Variants in SUPT3H observed in about 807,000 individuals in gnomAD.
The protein encoded by SUPT3H is SPT3 homolog, SAGA and STAGA complex component.
In SUPT3H, 44 loss-of-function variants were observed where a neutral mutation model predicts 44.3. That is an observed-to-expected ratio of 0.99 (90% CI 0.78 to 1.28). The LOEUF is 1.28. Among genes scored for constraint, SUPT3H ranks in the 50% most tolerant of loss-of-function variants. The pLI is 0.00. For missense variants in SUPT3H, 380 were observed against 387.1 expected, an observed-to-expected ratio of 0.98 and a Z score of 0.15; for synonymous variants, 124 against 125.6, an observed-to-expected ratio of 0.99 and a Z score of 0.09.
chr6:45,263,639 T>C (rs1211635288), intron 2 of SUPT3H, among the ~76,000 whole-genome samples: 1 of 152,002 alleles, frequency 6.6e-6, no homozygotes, highest in African/African-American at 2.4e-5. Flanking sequence ...AAAATAAAAT[T>C]GGAGGAAAAA....
chr6:44,904,843 C>G (rs1051338053), intron 10 of SUPT3H, among the ~76,000 whole-genome samples: 1 of 152,132 alleles, frequency 6.6e-6, no homozygotes, highest in Non-Finnish European at 1.5e-5. Flanking sequence ...TAGAACAGAA[C>G]AGAGCCCTCA....
At chr6:45,332,249 C>T (rs968607798) in intron 2 of SUPT3H, among the ~76,000 whole-genome samples, 2 of 151,398 alleles carry the variant, frequency 1.3e-5, no homozygotes, top group African/African-American at 4.8e-5. Context: ...CCCCTCCCCC[C>T]GATTCAAGAG....
In SUPT3H at chr6:45,282,736, G is replaced by A. The variant is rs983348281; in HGVS notation, c.101+82465C>T. Among the ~76,000 whole-genome samples the A allele has an allele frequency of 1.6e-4, 24 of 152,156 alleles. No homozygotes were observed. In the East Asian group the frequency reaches 2.9e-3, roughly 18 times the overall value. On this transcript the variant is annotated intron_variant, in intron 2 of 10. Transcript: ENST00000371459. Reference sequence around the variant, plus strand: ...TGCAAAGTCAGGAAATACAGAGAACGCCACAAAGATACTCCTCGAGAAGAG... The same window carrying A: ...TGCAAAGTCAGGAAATACAGAGAACACCACAAAGATACTCCTCGAGAAGAG...
At chr6:44,933,314 C>G (rs1770891899) in intron 9 of SUPT3H, among the ~76,000 whole-genome samples, 1 of 152,020 alleles carries the variant, frequency 6.6e-6, no homozygotes, top group African/African-American at 2.4e-5. Context: ...CAACAACTTT[C>G]TGTTTTAATT....
intron 2 of SUPT3H, among the ~76,000 whole-genome samples, chr6:45,183,880 T>C (rs1813711430): frequency 6.6e-6 from 1 of 151,978 alleles, no homozygotes; most frequent in Non-Finnish European, 1.5e-5. Context: ...AGCAAAACGA[T>C]GGAGATGGCA....
At chr6:44,956,929 T>C (rs748068184) in intron 7 of SUPT3H, among the ~76,000 whole-genome samples, 46 of 152,336 alleles carry the variant, frequency 3.0e-4, no homozygotes, top group Admixed American at 2.0e-3. Context: ...ATGCCTTATG[T>C]CTCTGCATGT....
At chr6:45,236,512 A>T (rs1769177368) in intron 2 of SUPT3H, among the ~76,000 whole-genome samples, 1 of 152,118 alleles carries the variant, frequency 6.6e-6, no homozygotes, top group African/African-American at 2.4e-5. Flanking sequence ...GTGGCAAAGG[A>T]GGCAGATGTT....
At chr6:45,141,651 A>C (rs1299382595) in intron 2 of SUPT3H, among the ~76,000 whole-genome samples, 2 of 36,414 alleles carry the variant, frequency 5.5e-5, no homozygotes, top group East Asian at 4.4e-4. Flanking sequence ...CAAAAGACAA[A>C]GACAAAAAAA....
chr6:44,846,158 G>T (rs1040173849), intron 10 of SUPT3H, among the ~76,000 whole-genome samples: 4 of 152,312 alleles, frequency 2.6e-5, no homozygotes, highest in African/African-American at 9.6e-5. Context: ...CTGTGAGGGG[G>T]AGAAGGGAAT....
intron 2 of SUPT3H, among the ~76,000 whole-genome samples, chr6:45,240,180 G>A (rs1770020475): frequency 6.6e-6 from 1 of 152,158 alleles, no homozygotes; most frequent in Non-Finnish European, 1.5e-5. Flanking sequence ...AGACATTCTA[G>A]CAGGATTGCG....
intron 3 of SUPT3H, among the ~76,000 whole-genome samples, chr6:45,074,491 C>T (rs187951553): frequency 6.6e-6 from 1 of 151,812 alleles, no homozygotes; most frequent in East Asian, 1.9e-4. Flanking sequence ...TTTAAGGAAA[C>T]AGAAATGAAA....
At chr6:45,234,675 C>G (rs1050419123) in intron 2 of SUPT3H, among the ~76,000 whole-genome samples, 1 of 151,968 alleles carries the variant, frequency 6.6e-6, no homozygotes, top group African/African-American at 2.4e-5. Flanking sequence ...TTTTCCTTAC[C>G]TAGTCACAAC....
At chr6:45,059,190 A>G (rs1161032518) in intron 3 of SUPT3H, among the ~76,000 whole-genome samples, 1 of 152,158 alleles carries the variant, frequency 6.6e-6, no homozygotes, top group East Asian at 1.9e-4. Context: ...AATCCTCAAT[A>G]AAGTACTGGC....
intron 10 of SUPT3H, among the ~76,000 whole-genome samples, chr6:44,841,694 C>T (rs945473453): frequency 6.6e-6 from 1 of 152,236 alleles, no homozygotes; most frequent in Non-Finnish European, 1.5e-5. Flanking sequence ...ATTCTCCCTA[C>T]AGACAATGCT....
chr6:45,263,176 T>C (rs1774673346), intron 2 of SUPT3H, among the ~76,000 whole-genome samples: 1 of 152,068 alleles, frequency 6.6e-6, no homozygotes, highest in African/African-American at 2.4e-5. Context: ...AGATAGACAC[T>C]GGCACACATA....
chr6:44,905,155 C>A (rs1004152681), intron 10 of SUPT3H, among the ~76,000 whole-genome samples: 17 of 151,898 alleles, frequency 1.1e-4, no homozygotes, highest in Non-Finnish European at 2.2e-4. Flanking sequence ...GCAACAGAAG[C>A]CAAAATTGAC....
intron 2 of SUPT3H, among the ~76,000 whole-genome samples, chr6:45,355,240 G>A (rs1792929376): frequency 6.6e-6 from 1 of 151,616 alleles, no homozygotes. Context: ...GGGATTACAG[G>A]CATGAGCCAC....
At chr6:45,029,791 G>A (rs1181796274) in intron 3 of SUPT3H, among the ~76,000 whole-genome samples, 2 of 152,104 alleles carry the variant, frequency 1.3e-5, no homozygotes, top group Non-Finnish European at 2.9e-5. Flanking sequence ...AAGAGACAGG[G>A]TCTTGCTCTG....
At chr6:45,307,667 G>C (rs1783266539) in intron 2 of SUPT3H, among the ~76,000 whole-genome samples, 1 of 152,156 alleles carries the variant, frequency 6.6e-6, no homozygotes, top group African/African-American at 2.4e-5. Flanking sequence ...CAAAGATGGG[G>C]AAAAAGCAGA....
Sources: allele counts gnomAD v4.1 joint callset (sites outside exome capture counted in the v4.1 genomes callset), GRCh38; gene constraint gnomAD v4.1.1; transcripts MANE v1.5; gene names NCBI Gene and HGNC (gene_info 2026-07-23, HGNC 2026-07-21).